PPP2R3A: variants seen among roughly 807,000 people sequenced by gnomAD.
PPP2R3A encodes serine/threonine-protein phosphatase 2A regulatory subunit B'' subunit alpha.
PPP2R3A carries 80 observed loss-of-function variants against 106.9 expected under a neutral mutation model. The observed-to-expected ratio is 0.75, with a 90% CI of 0.62 to 0.90. The LOEUF is 0.90. PPP2R3A is among the 40% of genes least tolerant of loss of function. The probability of loss-of-function intolerance (pLI) is 0.00; values close to 1 mark genes in which losing one functional copy is unlikely to be tolerated. For missense variants in PPP2R3A, 1,386 were observed against 1,350.4 expected, an observed-to-expected ratio of 1.03 and a Z score of -0.41; for synonymous variants, 483 against 468.3, an observed-to-expected ratio of 1.03 and a Z score of -0.41.
At chr3:136,089,491 A>G (rs1206217694) in intron 9 of PPP2R3A, among the ~76,000 whole-genome samples, 9 of 151,812 alleles carry the variant, frequency 5.9e-5, no homozygotes, top group Middle Eastern at 3.2e-3. Flanking sequence ...GTAGCCTTAT[A>G]GTGTAGTTTG....
At chr3:136,128,951 A>C (rs555480304) in intron 13 of PPP2R3A, among the ~76,000 whole-genome samples, 7 of 152,334 alleles carry the variant, frequency 4.6e-5, no homozygotes, top group African/African-American at 1.7e-4. Flanking sequence ...GCAGAAATAA[A>C]GATGTTGTTT....
chr3:136,120,694 T>A (rs1331119158), intron 13 of PPP2R3A, among the ~76,000 whole-genome samples: 5 of 152,050 alleles, frequency 3.3e-5, no homozygotes, highest in African/African-American at 1.2e-4. Context: ...CACAGAGGTC[T>A]AATATTCAGC....
At chr3:136,128,369 A>C (rs7651095) in intron 13 of PPP2R3A, among the ~76,000 whole-genome samples, 150,655 of 151,160 alleles carry the variant, frequency 1, 75,078 homozygotes, top group Middle Eastern at 1. Flanking sequence ...GGGTTGCATC[A>C]TAGTCTCTGA....
At chr3:136,071,118 T>A (rs1356078910) in intron 6 of PPP2R3A, among the ~76,000 whole-genome samples, 1 of 152,188 alleles carries the variant, frequency 6.6e-6, no homozygotes, top group Non-Finnish European at 1.5e-5. Flanking sequence ...GGGCACGGAG[T>A]AGCCATTTCA....
At chr3:135,972,753 G>A (rs561388875) in intron 1 of PPP2R3A, among the ~76,000 whole-genome samples, 1 of 152,204 alleles carries the variant, frequency 6.6e-6, no homozygotes, top group Non-Finnish European at 1.5e-5. Flanking sequence ...GTGTATCTTT[G>A]GAGAAATGTC....
intron 1 of PPP2R3A, among the ~76,000 whole-genome samples, chr3:135,976,433 G>A (rs1559847390): frequency 1.3e-5 from 2 of 152,222 alleles, no homozygotes; most frequent in Non-Finnish European, 2.9e-5. Context: ...GCTGCACTAA[G>A]AGGGAAGACT....
chr3:135,969,006 G>A (rs1937167823), intron 1 of PPP2R3A, among the ~76,000 whole-genome samples: 1 of 152,154 alleles, frequency 6.6e-6, no homozygotes, highest in East Asian at 1.9e-4. Flanking sequence ...ACAGTGCTAC[G>A]AATATGCTGT....
At chr3:136,100,032 A>G (rs1293313537) in intron 10 of PPP2R3A, among the ~76,000 whole-genome samples, 1 of 152,196 alleles carries the variant, frequency 6.6e-6, no homozygotes, top group Non-Finnish European at 1.5e-5. Context: ...AGCCCAGCCA[A>G]ATAGATGAGC....
At chr3:136,087,251 C>G (rs924202529) in intron 8 of PPP2R3A, among the ~76,000 whole-genome samples, 11 of 106,682 alleles carry the variant, frequency 1.0e-4, no homozygotes, top group Non-Finnish European at 1.8e-4. Flanking sequence ...TCGTGTCTCT[C>G]TCTCTCTCTC....
intron 13 of PPP2R3A, among the ~76,000 whole-genome samples, chr3:136,132,174 C>T (rs1242751829): frequency 6.6e-6 from 1 of 151,216 alleles, no homozygotes; most frequent in Non-Finnish European, 1.5e-5. Flanking sequence ...AAAAAAAAAA[C>T]GAATGCCTTT....
chr3:135,983,022 C>T (rs1015547943), intron 1 of PPP2R3A, among the ~76,000 whole-genome samples: 2 of 152,006 alleles, frequency 1.3e-5, no homozygotes, highest in African/African-American at 2.4e-5. Context: ...GAACTAATAA[C>T]GTTAGATGTG....
chr3:136,109,185 G>T (rs1422026802), intron 13 of PPP2R3A, among the ~76,000 whole-genome samples: 1 of 152,102 alleles, frequency 6.6e-6, no homozygotes, highest in Non-Finnish European at 1.5e-5. Flanking sequence ...CATTAGCAGG[G>T]TCTCAACAGA....
intron 9 of PPP2R3A, among the ~76,000 whole-genome samples, chr3:136,089,612 T>C (rs1003902259): frequency 7.2e-5 from 11 of 151,944 alleles, no homozygotes; most frequent in Admixed American, 1.3e-4. Flanking sequence ...TTGTTTTTTT[T>C]TTTTTCTTAA....
chr3:136,058,889 G>C (rs980250753), intron 5 of PPP2R3A, among the ~76,000 whole-genome samples: 8 of 152,112 alleles, frequency 5.3e-5, no homozygotes, highest in African/African-American at 1.9e-4. Context: ...AAAAGCAATT[G>C]GGAAAGGATT....
intron 13 of PPP2R3A, among the ~76,000 whole-genome samples, chr3:136,134,105 G>A (rs1938520463): frequency 2.0e-5 from 3 of 152,056 alleles, no homozygotes; most frequent in Admixed American, 1.3e-4. Flanking sequence ...AAGCATTATT[G>A]GATACTGGCA....
intron 2 of PPP2R3A, among the ~76,000 whole-genome samples, chr3:136,024,139 T>G (rs1468443122): frequency 2.0e-5 from 3 of 152,082 alleles, no homozygotes; most frequent in South Asian, 2.1e-4. Flanking sequence ...AATGGAGAAT[T>G]GAAGTATTTT....
intron 7 of PPP2R3A, among the ~76,000 whole-genome samples, chr3:136,081,516 AT>A (rs1272269158): frequency 3.3e-5 from 5 of 152,028 alleles, no homozygotes; most frequent in African/African-American, 4.8e-5. Context: ...TATTGTGACT[AT>A]TCATATATCT....
In PPP2R3A at chr3:136,144,962, G is replaced by C. The variant is rs1448676466; in HGVS notation, c.3330-81G>C. 4 of 1,493,048 alleles carry C rather than the reference G, an allele frequency of 2.7e-6. No individual in the cohort carries two copies. The East Asian group carries it at 9.5e-5, about 35-fold the overall frequency. The allele number at this position is 1,493,048 out of a possible 1,614,324, so 92.5% of individuals were successfully genotyped here. ...CAAGGTACCTTTGTGGGCTGGTCTTGAGGCTCGGATTTGCCATATTGATTT... is the reference window on the plus strand; with the variant it reads ...CAAGGTACCTTTGTGGGCTGGTCTTCAGGCTCGGATTTGCCATATTGATTT... On this transcript the variant is annotated intron_variant, in intron 13 of 13. Transcript: ENST00000264977.
intron 2 of PPP2R3A, among the ~76,000 whole-genome samples, chr3:136,024,234 A>C (rs1934570308): frequency 6.6e-6 from 1 of 152,160 alleles, no homozygotes; most frequent in Non-Finnish European, 1.5e-5. Flanking sequence ...ACTTGCTAGT[A>C]AATCTGGCAG....
Sources: allele counts gnomAD v4.1 joint callset (sites outside exome capture counted in the v4.1 genomes callset), GRCh38; gene constraint gnomAD v4.1.1; transcripts MANE v1.5; gene names NCBI Gene and HGNC (gene_info 2026-07-23, HGNC 2026-07-21).